The following ZNF160 variants were observed in gnomAD, a reference collection of about 807,000 sequenced individuals.
ZNF160 encodes the protein KRAB zinc finger protein KR18.
In ZNF160, 9 loss-of-function variants were observed where a neutral mutation model predicts 13.1. That is an observed-to-expected ratio of 0.69 (90% CI 0.41 to 1.20). The LOEUF (loss-of-function observed/expected upper bound fraction) is 1.20. Ranked by LOEUF, ZNF160 falls within the 50% of genes most tolerant of loss-of-function variation. The pLI is 0.01. For synonymous variants in ZNF160, 293 were observed against 333.2 expected (o/e 0.88, Z 1.31); for missense variants, 838 against 988.0 (o/e 0.85, Z 2.04).
intron 2 of ZNF160, among the ~76,000 whole-genome samples, chr19:53,088,858 C>A (rs995471113): frequency 3.9e-5 from 6 of 152,206 alleles, no homozygotes; most frequent in Non-Finnish European, 8.8e-5. Context: ...GTCTACAAAA[C>A]AGAATCAGAC....
At chr19:53,075,974 A>C in intron 3 of ZNF160, 2 of 289,184 alleles carry the variant, frequency 6.9e-6, no homozygotes, top group Non-Finnish European at 1.4e-5. Flanking sequence ...AAATATGAGA[A>C]CACCCATTTG....
intron 3 of ZNF160, chr19:53,085,298 A>G (rs1226412704): frequency 1.3e-6 from 1 of 772,630 alleles, no homozygotes; most frequent in Admixed American, 6.2e-5. Context: ...ATTTGTTTAA[A>G]TCTCATAATG....
chr19:53,073,270 T>C (rs1194615718), intron 5 of ZNF160: 4 of 1,541,562 alleles, frequency 2.6e-6, no homozygotes, highest in East Asian at 2.3e-5. Flanking sequence ...ACGCACCCCA[T>C]GTAAGACTGA....
chr19:53,098,862 A>G lies in ZNF160; in HGVS notation c.-354+4403T>C, dbSNP rs539275324. On this transcript the variant is annotated intron_variant, in intron 1 of 5. Coordinates refer to ENST00000683776, the MANE Select transcript of ZNF160 (RefSeq NM_001322131.2). ...ACGCCTCGGCACTGGCTGAGGACAC[A>G]GGGTCTGCGGGGCTTTTCAGGCCTC... Among the ~76,000 whole-genome samples, 9 of 151,054 alleles carry G rather than the reference A, an allele frequency of 6.0e-5. No individual in the cohort carries two copies. The East Asian group carries it at 1.7e-3, about 29-fold the overall frequency.
chr19:53,089,979 CATTGTCCCA>C (rs1041908763), intron 2 of ZNF160, among the ~76,000 whole-genome samples: 2 of 152,118 alleles, frequency 1.3e-5, no homozygotes, highest in African/African-American at 4.8e-5. Context: ...CCAAACTTTT[CATTGTCCCA>C]ATCCCAATCT....
Position 53,068,859 on chromosome 19 carries a change from G to A in ZNF160, c.1675C>T (p.His559Tyr), listed in dbSNP as rs557481342. 6.2e-7 allele frequency: 1 copy of A among 1,614,166 alleles called. No homozygotes were observed. The highest frequency in any genetic ancestry group is 2.2e-5 in the East Asian group (1 of 44,874). Reference sequence around the variant, plus strand: ...CACTTGTAAGGTTTCTCTCCAGAATGAATTCCCCGATGACTTCTAAGGTGT... The same window carrying A: ...CACTTGTAAGGTTTCTCTCCAGAATAAATTCCCCGATGACTTCTAAGGTGT... The part of the protein sequence containing the change: ...KSHLRSHRGI[H>Y]SGEKPYKCNE... Residue 559 changes from histidine (H) to tyrosine (Y), a missense_variant, in exon 6 of 6, where the codon CAT (histidine) becomes TAT (tyrosine). By Grantham distance (83) the His-to-Tyr change is moderately conservative. Around this residue, in one of 3 missense-constraint regions of ZNF160, gnomAD observed 400 missense variants for 538.9 expected, o/e 0.74. Coordinates refer to ENST00000683776, the MANE Select transcript of ZNF160 (RefSeq NM_001322131.2).
chr19:53,095,080 T>C (rs1252003409), intron 1 of ZNF160, among the ~76,000 whole-genome samples: 1 of 61,212 alleles, frequency 1.6e-5, no homozygotes, highest in Non-Finnish European at 3.2e-5. Flanking sequence ...GCCCCCACGG[T>C]AGTCCCACCC....
chr19:53,084,741 A>C (rs961404572), intron 3 of ZNF160, among the ~76,000 whole-genome samples: 1 of 152,196 alleles, frequency 6.6e-6, no homozygotes, highest in African/African-American at 2.4e-5. Context: ...AAATGAACAC[A>C]GTGGCAAGTT....
Position 53,067,686 on chromosome 19 carries a change from ATG to A in ZNF160, c.*389_*390del, listed in dbSNP as rs952665260. On this transcript the variant is annotated 3_prime_UTR_variant, in exon 6 of 6. Coordinates refer to ENST00000683776, the MANE Select transcript of ZNF160 (RefSeq NM_001322131.2). ...TACAAATATCCTGCAACCTTTTCGTATGTGAGTTAAAAATATATAATTTTTAG... is the reference window on the plus strand; with the variant it reads ...TACAAATATCCTGCAACCTTTTCGTATGAGTTAAAAATATATAATTTTTAG... The A allele has an allele frequency of 3.7e-5, 6 of 162,670 alleles. No homozygotes were observed. The highest frequency in any genetic ancestry group is 9.6e-5 in the African/African-American group (4 of 41,820). The allele number at this position is 162,670 out of a possible 1,614,324, so 10.1% of individuals were successfully genotyped here.
intron 2 of ZNF160, among the ~76,000 whole-genome samples, chr19:53,087,658 C>T (rs184967099): frequency 0.013 from 1,965 of 152,306 alleles, 21 homozygotes; most frequent in Middle Eastern, 0.037. Flanking sequence ...TCAAGCGATT[C>T]TCCTGCCTCA....
intron 1 of ZNF160, among the ~76,000 whole-genome samples, chr19:53,093,145 A>C (rs987351947): frequency 2.6e-5 from 4 of 152,202 alleles, no homozygotes; most frequent in African/African-American, 9.7e-5. Context: ...TTTAAAAAGG[A>C]TATTTCTGGC....
intron 5 of ZNF160, chr19:53,073,547 T>C (rs775183163): frequency 6.4e-7 from 1 of 1,572,890 alleles, no homozygotes; most frequent in East Asian, 2.3e-5. Context: ...CATAAACAGG[T>C]CTAGACGTCA....
chr19:53,091,249 C>T (rs1390938703), intron 2 of ZNF160, 164 bp downstream of exon 2: 3 of 152,382 alleles, frequency 2.0e-5, no homozygotes, highest in Admixed American at 2.0e-4. Context: ...CCCAGCTACT[C>T]AGGAGGCTGA....
chr19:53,099,351 G>T lies in ZNF160; in HGVS notation c.-354+3914C>A, dbSNP rs866347434. Among the ~76,000 whole-genome samples, 3 of 152,322 alleles carry T rather than the reference G, an allele frequency of 2.0e-5. No individual in the cohort carries two copies. In the South Asian group the frequency reaches 6.2e-4, roughly 32 times the overall value. On this transcript the variant is annotated intron_variant, in intron 1 of 5. Transcript: ENST00000683776. Reference sequence around the variant, plus strand: ...GGAAAGGTTTTGATGTTTGGGAAAAGAGAAAAACAAATGTGACTAGGGCAG... The same window carrying T: ...GGAAAGGTTTTGATGTTTGGGAAAATAGAAAAACAAATGTGACTAGGGCAG...
chr19:53,097,460 A>C (rs868362786), intron 1 of ZNF160, among the ~76,000 whole-genome samples: 1 of 151,618 alleles, frequency 6.6e-6, no homozygotes, highest in African/African-American at 2.4e-5. Flanking sequence ...AGATCCCACA[A>C]TCCCCAGATA....
chr19:53,090,729 G>A (rs1214163122), intron 2 of ZNF160, among the ~76,000 whole-genome samples: 1 of 152,150 alleles, frequency 6.6e-6, no homozygotes, highest in Non-Finnish European at 1.5e-5. Flanking sequence ...GGAGGGGTGG[G>A]ATCTGTGGAA....
At position 53,068,586 on chromosome 19, in the gene ZNF160, T is replaced by G; in HGVS notation, c.1948A>C (p.Lys650Gln). The G allele has an allele frequency of 6.2e-7, 1 of 1,614,134 alleles. No homozygotes were observed. Among genetic ancestry groups the G allele is most frequent in the African/African-American group, 1.3e-5 (1 of 75,024 alleles). The change falls in exon 6 of 6, where the codon AAG becomes CAG. Residue 650 changes from lysine to glutamine, a missense_variant. Physicochemically the swap from Lys to Gln is moderately conservative, Grantham distance 53 (BLOSUM62 1). This residue lies in a region of ZNF160 where 400 missense variants were observed against 538.9 expected (regional missense o/e 0.74). Coordinates refer to ENST00000683776, the MANE Select transcript of ZNF160 (RefSeq NM_001322131.2). ...AAGGCTTTCCCACACTCATTACACT[T>G]GTAAGGTTTCTCTCCAGTATGAATT... ...RRIHTGEKPY[K>Q]CNECGKAFSM...
At chr19:53,085,718 G>A (rs1419905881) in intron 3 of ZNF160, 1 of 298,698 alleles carries the variant, frequency 3.3e-6, no homozygotes. Context: ...ATGATGGAAT[G>A]AAAGAATCAT....
Position 53,067,062 on chromosome 19 carries a change from T to G in ZNF160, c.*1015A>C, listed in dbSNP as rs930300213. The G allele has an allele frequency of 3.9e-5, 6 of 152,278 alleles. No homozygotes were observed. The highest frequency in any genetic ancestry group is 1.4e-4 in the African/African-American group (6 of 41,454). The allele number at this position is 152,278 out of a possible 1,614,324, so 9.4% of individuals were successfully genotyped here. A position where few individuals can be genotyped will look rare whatever the true frequency, so the allele number is the denominator to read the frequency against. The stretch of plus-strand genomic sequence containing the variant: ...TCCCAAAGTGCTGGGATTACAGGTG[T>G]GAGCCACCGCGCCTGGCCTCTCTCT... On this transcript the variant is annotated 3_prime_UTR_variant, in exon 6 of 6. Coordinates refer to ENST00000683776, the MANE Select transcript of ZNF160 (RefSeq NM_001322131.2).
Sources: allele counts gnomAD v4.1 joint callset (sites outside exome capture counted in the v4.1 genomes callset), GRCh38; gene constraint gnomAD v4.1.1; regional missense constraint gnomAD v4.1.1; transcripts MANE v1.5; gene names NCBI Gene and HGNC (gene_info 2026-07-23, HGNC 2026-07-21).